Variants in TPGS2 observed in about 807,000 individuals in gnomAD.
TPGS2 encodes polyglutamylase subunit 2.
A neutral mutation model predicts 31.1 loss-of-function variants in TPGS2; 26 were observed. That is an observed-to-expected ratio of 0.84 (90% CI 0.61 to 1.16). The LOEUF (loss-of-function observed/expected upper bound fraction) is 1.16. Among genes scored for constraint, TPGS2 ranks in the 50% most tolerant of loss-of-function variants. The pLI is 0.00. For synonymous variants in TPGS2, 130 were observed against 136.6 expected, an observed-to-expected ratio of 0.95 and a Z score of 0.34; for missense variants, 351 against 363.8, an observed-to-expected ratio of 0.96 and a Z score of 0.29.
intron 1 of TPGS2, among the ~76,000 whole-genome samples, chr18:36,827,635 G>A (rs1414856729): frequency 6.6e-6 from 1 of 152,202 alleles, no homozygotes. Context: ...GTGATGGGAA[G>A]GCACTGAAGC....
At chr18:36,808,000 A>T (rs2045244296) in intron 2 of TPGS2, 66 bp from the exon 3 acceptor site, 1 of 1,498,752 alleles carries the variant, frequency 6.7e-7, no homozygotes, top group South Asian at 1.1e-5. Flanking sequence ...CTATGGCTTA[A>T]GGCACTGGGG....
intron 2 of TPGS2, among the ~76,000 whole-genome samples, chr18:36,809,424 T>C (rs1169419248): frequency 6.6e-6 from 1 of 152,230 alleles, no homozygotes; most frequent in African/African-American, 2.4e-5. Context: ...ATTTCTTTTA[T>C]TTATGAACTA....
Position 36,795,617 on chromosome 18 carries a change from T to G in TPGS2, c.*1188A>C. The G allele has an allele frequency of 2.0e-6, 2 of 985,470 alleles. No homozygotes were observed. The highest frequency in any genetic ancestry group is 2.4e-6 in the Non-Finnish European group (2 of 829,934). The allele number at this position is 985,470 out of a possible 1,614,324, so 61.0% of individuals were successfully genotyped here. A position where few individuals can be genotyped will look rare whatever the true frequency, so the allele number is the denominator to read the frequency against. Reference sequence around the variant, plus strand: ...TCTGAGCAACCTTCTCTGTAAAAATTTCATTAAATGTAGTAGGTATGTCAG... The same window carrying G: ...TCTGAGCAACCTTCTCTGTAAAAATGTCATTAAATGTAGTAGGTATGTCAG... On this transcript the variant is annotated 3_prime_UTR_variant, in exon 7 of 7. Coordinates refer to ENST00000334295, the MANE Select transcript of TPGS2 (RefSeq NM_015476.4).
At chr18:36,806,955 T>A (rs892978793) in intron 3 of TPGS2, among the ~76,000 whole-genome samples, 1 of 145,310 alleles carries the variant, frequency 6.9e-6, no homozygotes, top group Non-Finnish European at 1.5e-5. Context: ...GGTGTGTAGG[T>A]AGAAGGCCGA....
chr18:36,816,080 G>A (rs1340709924), intron 2 of TPGS2, among the ~76,000 whole-genome samples: 1 of 152,174 alleles, frequency 6.6e-6, no homozygotes, highest in Non-Finnish European at 1.5e-5. Context: ...CTACGTATCT[G>A]ATTATTTTAG....
chr18:36,820,938 G>T (rs2045866745), intron 1 of TPGS2: 1 of 152,210 alleles, frequency 6.6e-6, no homozygotes, highest in Non-Finnish European at 1.5e-5. Context: ...GGAATAACCT[G>T]CATGGCAGAG....
At chr18:36,811,528 T>C (rs933943) in intron 2 of TPGS2, among the ~76,000 whole-genome samples, 9,939 of 152,244 alleles carry the variant, frequency 0.065, 1,083 homozygotes, top group African/African-American at 0.23. Context: ...ACAGAGCTCA[T>C]ATGAGGCAAC....
chr18:36,807,960 T>C (rs779538606), intron 2 of TPGS2, 26 bp from the exon 3 acceptor site: 8 of 1,613,028 alleles, frequency 5.0e-6, no homozygotes, highest in Non-Finnish European at 6.8e-6. Context: ...AGCTAAGTGT[T>C]AGGTAAGGGC....
In TPGS2 at chr18:36,796,264, A is replaced by G; in HGVS notation, c.*541T>C. The G allele has an allele frequency of 1.0e-6, 1 of 985,502 alleles. No individual in the cohort carries two copies. The highest frequency in any genetic ancestry group is 4.7e-5 in the South Asian group (1 of 21,292). The allele number at this position is 985,502 out of a possible 1,614,324, so 61.0% of individuals were successfully genotyped here. On this transcript the variant is annotated 3_prime_UTR_variant, in exon 7 of 7. Coordinates refer to ENST00000334295, the MANE Select transcript of TPGS2 (RefSeq NM_015476.4). ...GAGCAGTATGAAAATATTCTAATGCAGTGCTGTCCAACAGAACTTTCTGTG... is the reference window on the plus strand; with the variant it reads ...GAGCAGTATGAAAATATTCTAATGCGGTGCTGTCCAACAGAACTTTCTGTG...
At position 36,800,429 on chromosome 18, in the gene TPGS2, C is replaced by A. The variant is rs573189609; in HGVS notation, c.383-118G>T. ...GAAAAAGCCTTATCTCAGACATATACTTAAGTAGTATTTACAAATAAATTC... is the reference window on the plus strand; with the variant it reads ...GAAAAAGCCTTATCTCAGACATATAATTAAGTAGTATTTACAAATAAATTC... On this transcript the variant is annotated intron_variant, in intron 4 of 6. Coordinates refer to ENST00000334295, the MANE Select transcript of TPGS2 (RefSeq NM_015476.4). The A allele has an allele frequency of 4.0e-5, 31 of 784,672 alleles. 1 individual carries two copies. In the Middle Eastern group the frequency reaches 5.9e-3, roughly 149 times the overall value. The allele number at this position is 784,672 out of a possible 1,614,324, so 48.6% of individuals were successfully genotyped here.
chr18:36,823,583 C>T (rs56352032), intron 1 of TPGS2, among the ~76,000 whole-genome samples: 16,688 of 147,922 alleles, frequency 0.11, 1,121 homozygotes, highest in Admixed American at 0.16. Flanking sequence ...GCCTCAGCCT[C>T]CCGAGTAGCT....
At chr18:36,822,403 TCTGAGTC>T (rs1456934485) in intron 1 of TPGS2, among the ~76,000 whole-genome samples, 1 of 152,212 alleles carries the variant, frequency 6.6e-6, no homozygotes, top group Non-Finnish European at 1.5e-5. Flanking sequence ...TAAAACTGTT[TCTGAGTC>T]CTGTGAGTCC....
Position 36,796,897 on chromosome 18 carries a change from C to A in TPGS2, c.811G>T (p.Gly271Cys). Residue 271 changes from glycine to cysteine, a missense_variant, in exon 7 of 7, where the codon GGT becomes TGT. Coordinates refer to ENST00000334295, the MANE Select transcript of TPGS2 (RefSeq NM_015476.4). Reference protein sequence around the residue: ...PKKKGPVQPAGGQKGPSGPSG... With the variant: ...PKKKGPVQPACGQKGPSGPSG... ...GGTCCTGAGGGCCCTTTCTGGCCAC[C>A]TGCAGGCTGCACAGGCCCTTTCTTT... 1 of 1,611,562 alleles carries A rather than the reference C, an allele frequency of 6.2e-7. No homozygotes were observed.
intron 4 of TPGS2, among the ~76,000 whole-genome samples, chr18:36,800,971 C>T (rs542631077): frequency 2.6e-5 from 4 of 152,180 alleles, no homozygotes; most frequent in African/African-American, 7.2e-5. Flanking sequence ...ATTACAGGCA[C>T]GAGCCACCGC....
chr18:36,796,984 A>AG lies in TPGS2; in HGVS notation c.723dup (p.Phe242LeufsTer4). 6.2e-7 allele frequency: 1 copy of AG among 1,602,958 alleles called. No individual in the cohort carries two copies. Reference sequence around the variant, plus strand: ...TTGCTGGGATCTAGCTTATTCACAAAGGAGTCGGTCTCTTCTGTGAGCAGG... The same window carrying AG: ...TTGCTGGGATCTAGCTTATTCACAAAGGGAGTCGGTCTCTTCTGTGAGCAGG... On this transcript the variant is annotated frameshift_variant, in exon 7 of 7. Coordinates refer to ENST00000334295, the MANE Select transcript of TPGS2 (RefSeq NM_015476.4). LOFTEE classifies it high-confidence loss of function.
intron 6 of TPGS2, among the ~76,000 whole-genome samples, chr18:36,785,433 G>A (rs1271057578): frequency 6.6e-6 from 1 of 152,136 alleles, no homozygotes; most frequent in Non-Finnish European, 1.5e-5. Flanking sequence ...AGCACCAATC[G>A]GAAAGGTTCA....
At chr18:36,804,810 C>G (rs1206369837) in intron 4 of TPGS2, among the ~76,000 whole-genome samples, 1 of 152,122 alleles carries the variant, frequency 6.6e-6, no homozygotes, top group East Asian at 1.9e-4. Context: ...CTGAGAAAAC[C>G]ATTGTTTTCT....
intron 6 of TPGS2, chr18:36,787,141 GCAT>G: frequency 8.1e-7 from 1 of 1,231,778 alleles, no homozygotes; most frequent in Non-Finnish European, 1.0e-6. Context: ...TATTCCAGAG[GCAT>G]GCATAGCATG....
At chr18:36,806,715 G>C (rs2045151573) in intron 3 of TPGS2, among the ~76,000 whole-genome samples, 1 of 151,796 alleles carries the variant, frequency 6.6e-6, no homozygotes, top group Non-Finnish European at 1.5e-5. Context: ...GCCGGGTGTG[G>C]TGGCACATGC....
Sources: gnomAD v4.1 joint callset for allele counts (sites outside exome capture counted in the v4.1 genomes callset) on GRCh38, gnomAD v4.1.1 for gene constraint, MANE v1.5 for transcripts, NCBI Gene and HGNC (gene_info 2026-07-23, HGNC 2026-07-21) for gene names.